The following PRIM2 variants were observed in gnomAD, a reference collection of about 807,000 sequenced individuals.
The protein encoded by PRIM2 is DNA primase subunit 2.
A neutral mutation model predicts 67.3 loss-of-function variants in PRIM2; 39 were observed. The observed-to-expected ratio is 0.58, with a 90% CI of 0.45 to 0.76. PRIM2 has a LOEUF of 0.76. Among genes scored for constraint, PRIM2 ranks in the 30% least tolerant of loss-of-function variants. PRIM2 has a pLI of 0.00. For synonymous variants in PRIM2, 143 were observed against 198.7 expected (o/e 0.72, Z 2.36); for missense variants, 398 against 598.7 (o/e 0.66, Z 3.50).
chr6:57,331,680 A>G (rs1215852894), intron 5 of PRIM2, among the ~76,000 whole-genome samples: 1 of 152,096 alleles, frequency 6.6e-6, no homozygotes, highest in East Asian at 1.9e-4. Flanking sequence ...TAATTGATTC[A>G]TGCAGTTATT....
At chr6:57,288,846 G>A in the PRIM2 span, among the ~76,000 whole-genome samples, 26 of 152,314 alleles carry the variant, frequency 1.7e-4, no homozygotes, top group African/African-American at 6.3e-4. Flanking sequence ...AAGATGGGGA[G>A]AAACCAGAGC....
chr6:57,477,402 T>C (rs1459975376), intron 7 of PRIM2, among the ~76,000 whole-genome samples: 1 of 152,226 alleles, frequency 6.6e-6, no homozygotes, highest in African/African-American at 2.4e-5. Flanking sequence ...CATTTAAAAG[T>C]AGTATAAAGG....
chr6:57,252,996 AACAG>A, the PRIM2 span, among the ~76,000 whole-genome samples: 18 of 152,334 alleles, frequency 1.2e-4, no homozygotes, highest in African/African-American at 4.3e-4. Flanking sequence ...CATTGAAAGA[AACAG>A]ACAAGAGAAA....
intron 5 of PRIM2, among the ~76,000 whole-genome samples, chr6:57,352,498 CAA>C (rs1768889681): frequency 6.6e-6 from 1 of 152,158 alleles, no homozygotes; most frequent in South Asian, 2.1e-4. Flanking sequence ...TTCGGCCTCC[CAA>C]AGAGCTGGGA....
At chr6:57,456,943 T>C (rs1258975072) in intron 7 of PRIM2, among the ~76,000 whole-genome samples, 2 of 152,192 alleles carry the variant, frequency 1.3e-5, no homozygotes, top group African/African-American at 4.8e-5. Context: ...CCTTTGATGA[T>C]GGTGACGTAC....
intron 7 of PRIM2, among the ~76,000 whole-genome samples, chr6:57,470,935 C>T (rs1473799972): frequency 4.6e-5 from 7 of 152,006 alleles, no homozygotes; most frequent in Admixed American, 6.6e-5. Flanking sequence ...AGAATGAGTC[C>T]GAATAGTAGA....
intron 7 of PRIM2, among the ~76,000 whole-genome samples, chr6:57,486,884 T>G (rs1229953047): frequency 6.6e-6 from 1 of 152,230 alleles, no homozygotes; most frequent in African/African-American, 2.4e-5. Flanking sequence ...AAAGCCTTAA[T>G]CTTTTTTCCC....
At chr6:57,295,968 C>G in the PRIM2 span, among the ~76,000 whole-genome samples, 13 of 152,260 alleles carry the variant, frequency 8.5e-5, no homozygotes, top group African/African-American at 3.1e-4. Context: ...TAACCATAGT[C>G]ACAACCATTT....
chr6:57,253,083 A>G, the PRIM2 span, among the ~76,000 whole-genome samples: 10 of 152,212 alleles, frequency 6.6e-5, no homozygotes, highest in African/African-American at 2.2e-4. Context: ...GCTGAAGTTT[A>G]GCCAGGGAAA....
At chr6:57,438,419 G>T (rs1344806861) in intron 7 of PRIM2, among the ~76,000 whole-genome samples, 3 of 152,174 alleles carry the variant, frequency 2.0e-5, no homozygotes, top group African/African-American at 7.2e-5. Flanking sequence ...TGCTTTACTG[G>T]CTCTTACATC....
chr6:57,623,501 A>G (rs1485366842), intron 12 of PRIM2, among the ~76,000 whole-genome samples: 1 of 152,164 alleles, frequency 6.6e-6, no homozygotes, highest in Non-Finnish European at 1.5e-5. Context: ...ACATCTTTCT[A>G]TATTTATTAT....
intron 10 of PRIM2, among the ~76,000 whole-genome samples, chr6:57,578,632 C>T (rs1776004649): frequency 6.6e-6 from 1 of 151,150 alleles, no homozygotes. Context: ...TTCAGATTGG[C>T]TCCTGTGCTT....
At chr6:57,570,195 T>G (rs1775835599) in intron 10 of PRIM2, among the ~76,000 whole-genome samples, 1 of 152,242 alleles carries the variant, frequency 6.6e-6, no homozygotes, top group Non-Finnish European at 1.5e-5. Context: ...GAAACACTTG[T>G]CTAATAAAAT....
rs1482722996 is a variant in PRIM2, at chr6:57,335,456, G to A, written c.459+9411G>A. Reference sequence around the variant, plus strand: ...AGCAGTAACCTCTGCAGACTTAAACGTCCCTGTCTGACAGCTTTGAAGAGA... The same window carrying A: ...AGCAGTAACCTCTGCAGACTTAAACATCCCTGTCTGACAGCTTTGAAGAGA... On this transcript the variant is annotated intron_variant, in intron 5 of 13. Coordinates refer to ENST00000615550, the MANE Select transcript of PRIM2 (RefSeq NM_000947.5). Among the ~76,000 whole-genome samples the A allele has an allele frequency of 2.6e-5, 4 of 152,136 alleles. No individual in the cohort carries two copies. The East Asian group carries it at 5.8e-4, about 22-fold the overall frequency.
the PRIM2 span, among the ~76,000 whole-genome samples, chr6:57,284,571 C>T: frequency 2.0e-5 from 3 of 152,098 alleles, no homozygotes; most frequent in African/African-American, 4.8e-5. Context: ...CCCTCATTTA[C>T]CTAATCTCAC....
At chr6:57,562,078 A>G (rs1299868295) in intron 10 of PRIM2, among the ~76,000 whole-genome samples, 3 of 152,128 alleles carry the variant, frequency 2.0e-5, no homozygotes, top group African/African-American at 7.2e-5. Flanking sequence ...ACATTTATCA[A>G]CTAAGTTTGC....
intron 7 of PRIM2, among the ~76,000 whole-genome samples, chr6:57,458,250 AC>A (rs976002509): frequency 6.6e-6 from 1 of 152,216 alleles, no homozygotes; most frequent in Non-Finnish European, 1.5e-5. Context: ...GCAGAAAAAA[AC>A]ATCATGCATG....
intron 7 of PRIM2, among the ~76,000 whole-genome samples, chr6:57,442,945 C>T (rs1398620107): frequency 1.3e-5 from 2 of 152,142 alleles, no homozygotes; most frequent in African/African-American, 2.4e-5. Context: ...CTCCCACTCC[C>T]CCAGCCTCTG....
the PRIM2 span, among the ~76,000 whole-genome samples, chr6:57,227,200 G>T: frequency 6.6e-6 from 1 of 152,220 alleles, no homozygotes; most frequent in East Asian, 1.9e-4. Flanking sequence ...TGACTTTTGA[G>T]AACTTCGCTC....
Sources: gnomAD v4.1 joint callset for allele counts (sites outside exome capture counted in the v4.1 genomes callset) on GRCh38, gnomAD v4.1.1 for gene constraint, MANE v1.5 for transcripts, NCBI Gene and HGNC (gene_info 2026-07-23, HGNC 2026-07-21) for gene names.